RHBDD1: variants seen among roughly 807,000 people sequenced by gnomAD.
The protein encoded by RHBDD1 is rhomboid domain containing 1.
A neutral mutation model predicts 36.3 loss-of-function variants in RHBDD1; 38 were observed. The ratio of observed to expected loss-of-function variants is 1.05; its 90% CI spans 0.81 to 1.37. RHBDD1 has a LOEUF of 1.37. Among genes scored for constraint, RHBDD1 ranks in the 40% most tolerant of loss-of-function variants. RHBDD1 has a pLI of 0.00. For missense variants in RHBDD1, 393 were observed against 377.6 expected, an observed-to-expected ratio of 1.04 and a Z score of -0.34; for synonymous variants, 151 against 136.5, an observed-to-expected ratio of 1.11 and a Z score of -0.74.
chr2:226,980,734 C>T (rs550660793), intron 8 of RHBDD1, among the ~76,000 whole-genome samples: 1 of 152,280 alleles, frequency 6.6e-6, no homozygotes, highest in South Asian at 2.1e-4. Flanking sequence ...CAACATATTC[C>T]TCTTCCCTTA....
At chr2:226,844,686 C>T (rs1942034653) in intron 3 of RHBDD1, among the ~76,000 whole-genome samples, 1 of 152,196 alleles carries the variant, frequency 6.6e-6, no homozygotes, top group Non-Finnish European at 1.5e-5. Flanking sequence ...GCTGGCATTG[C>T]TGTTCCCTGT....
chr2:226,884,583 C>T (rs544355819), intron 5 of RHBDD1, among the ~76,000 whole-genome samples: 8 of 152,204 alleles, frequency 5.3e-5, no homozygotes, highest in African/African-American at 1.4e-4. Flanking sequence ...CAATATATGT[C>T]ACTTCAGTAA....
Position 226,986,743 on chromosome 2 carries a change from T to C in RHBDD1, c.857-8688T>C, listed in dbSNP as rs530209739. Among the ~76,000 whole-genome samples, 18 of 152,352 alleles carry C rather than the reference T, an allele frequency of 1.2e-4. No homozygotes were observed. In the South Asian group the frequency reaches 2.9e-3, roughly 25 times the overall value. On this transcript the variant is annotated intron_variant, in intron 8 of 8. Coordinates refer to ENST00000392062, the MANE Select transcript of RHBDD1 (RefSeq NM_001167608.3). ...GTACACTGTTGGTGGGAGTGTAAATTAGTTCAACCATTGTGGAAGATAGTG... is the reference window on the plus strand; with the variant it reads ...GTACACTGTTGGTGGGAGTGTAAATCAGTTCAACCATTGTGGAAGATAGTG...
chr2:226,856,219 A>T (rs1394243997), intron 3 of RHBDD1, among the ~76,000 whole-genome samples: 1 of 152,220 alleles, frequency 6.6e-6, no homozygotes, highest in Non-Finnish European at 1.5e-5. Context: ...TTTACATGTT[A>T]TTCAAACAAC....
chr2:226,836,938 T>C (rs767381133), intron 1 of RHBDD1, among the ~76,000 whole-genome samples: 15 of 152,238 alleles, frequency 9.9e-5, no homozygotes, highest in Non-Finnish European at 1.9e-4. Context: ...CATTGGTTTC[T>C]AAATAATCCC....
chr2:226,956,267 G>C (rs1488949559), intron 8 of RHBDD1, among the ~76,000 whole-genome samples: 1 of 152,118 alleles, frequency 6.6e-6, no homozygotes, highest in African/African-American at 2.4e-5. Context: ...GAGGCGCGCA[G>C]TCCCACTCTG....
At chr2:226,814,782 C>T in the RHBDD1 span, among the ~76,000 whole-genome samples, 23 of 152,304 alleles carry the variant, frequency 1.5e-4, no homozygotes, top group South Asian at 1.5e-3. Flanking sequence ...TCACTCTCCC[C>T]GTCTCCTTCC....
intron 8 of RHBDD1, among the ~76,000 whole-genome samples, chr2:226,987,947 A>G (rs931659652): frequency 6.6e-6 from 1 of 152,108 alleles, no homozygotes; most frequent in Non-Finnish European, 1.5e-5. Context: ...CACTGCAGCA[A>G]ACTGGGCAAT....
At chr2:226,944,366 T>C (rs1362453184) in intron 8 of RHBDD1, among the ~76,000 whole-genome samples, 2 of 152,136 alleles carry the variant, frequency 1.3e-5, no homozygotes, top group Admixed American at 1.3e-4. Context: ...GGTTGTACAA[T>C]TGCTGTGCGT....
chr2:226,942,160 G>A (rs62189761), intron 8 of RHBDD1, among the ~76,000 whole-genome samples: 5,705 of 151,882 alleles, frequency 0.038, 204 homozygotes, highest in East Asian at 0.17. Context: ...TTGTAAGTCT[G>A]TAGCCTGTCA....
At chr2:226,923,617 CCT>C (rs1949474229) in intron 8 of RHBDD1, among the ~76,000 whole-genome samples, 1 of 149,484 alleles carries the variant, frequency 6.7e-6, no homozygotes, top group African/African-American at 2.5e-5. Context: ...TACTTCTATC[CCT>C]CTCTCTCTCC....
the RHBDD1 span, among the ~76,000 whole-genome samples, chr2:226,821,532 T>C: frequency 6.8e-4 from 103 of 151,868 alleles, no homozygotes; most frequent in African/African-American, 2.4e-3. Flanking sequence ...TTAATAATTA[T>C]TTATTATTCT....
chr2:226,928,683 C>T (rs769100968), intron 8 of RHBDD1, among the ~76,000 whole-genome samples: 2 of 151,606 alleles, frequency 1.3e-5, no homozygotes, highest in Non-Finnish European at 3.0e-5. Context: ...ATTGCAACAA[C>T]AACAACAACA....
intron 8 of RHBDD1, among the ~76,000 whole-genome samples, chr2:226,947,429 T>C (rs1364904828): frequency 6.6e-6 from 1 of 151,984 alleles, no homozygotes; most frequent in Non-Finnish European, 1.5e-5. Flanking sequence ...GCGGCGTTAT[T>C]TCTGAGGGCT....
chr2:226,976,564 GCA>G (rs1345435741), intron 8 of RHBDD1, among the ~76,000 whole-genome samples: 1 of 152,136 alleles, frequency 6.6e-6, no homozygotes, highest in Non-Finnish European at 1.5e-5. Flanking sequence ...GATGAAGAAT[GCA>G]CACAGTTCCG....
chr2:226,851,296 AC>A (rs905935775), intron 3 of RHBDD1, among the ~76,000 whole-genome samples: 1 of 151,196 alleles, frequency 6.6e-6, no homozygotes, highest in Non-Finnish European at 1.5e-5. Flanking sequence ...CTAAACACAT[AC>A]CCCCCCAATG....
rs141399549 is a variant in RHBDD1 at position 226,946,914 on chromosome 2, A to G, written c.856+32563A>G. Among the ~76,000 whole-genome samples, 816 of 152,340 alleles carry G rather than the reference A, an allele frequency of 5.4e-3. 5 individuals carry two copies. Among genetic ancestry groups the G allele is most frequent in the South Asian group, 0.043 (206 of 4,828 alleles). On this transcript the variant is annotated intron_variant, in intron 8 of 8. Coordinates refer to ENST00000392062, the MANE Select transcript of RHBDD1 (RefSeq NM_001167608.3). ...CATCCCTGGATGCAAGGCTGGTTCA[A>G]CATACACGAATCAGTAAACATAATT... is the stretch of plus-strand genomic sequence containing the variant.
intron 8 of RHBDD1, among the ~76,000 whole-genome samples, chr2:226,989,383 G>A (rs1470492070): frequency 1.3e-5 from 2 of 152,188 alleles, no homozygotes; most frequent in East Asian, 1.9e-4. Flanking sequence ...TTGGGTAACG[G>A]GGTATAGTAA....
chr2:226,829,704 G>A, the RHBDD1 span, among the ~76,000 whole-genome samples: 4 of 152,114 alleles, frequency 2.6e-5, no homozygotes, highest in East Asian at 1.9e-4. Flanking sequence ...TGTATCCTGA[G>A]ACTGTGCTAA....
Sources: allele counts gnomAD v4.1 joint callset (sites outside exome capture counted in the v4.1 genomes callset), GRCh38; gene constraint gnomAD v4.1.1; transcripts MANE v1.5; gene names NCBI Gene and HGNC (gene_info 2026-07-23, HGNC 2026-07-21).